SERPINI2: variants seen among roughly 807,000 people sequenced by gnomAD.
SERPINI2 encodes the protein serpin I2.
SERPINI2 carries 48 observed loss-of-function variants against 47.3 expected under a neutral mutation model. The observed-to-expected ratio is 1.02, with a 90% CI of 0.81 to 1.29. SERPINI2 has a LOEUF of 1.29. Ranked by LOEUF, SERPINI2 falls within the 50% of genes most tolerant of loss-of-function variation. The pLI is 0.00. For synonymous variants in SERPINI2, 135 were observed against 149.3 expected (o/e 0.90, Z 0.70); for missense variants, 448 against 456.9 (o/e 0.98, Z 0.18).
chr3:167,448,814 G>A (rs1021371213), intron 7 of SERPINI2, among the ~76,000 whole-genome samples: 6 of 152,150 alleles, frequency 3.9e-5, no homozygotes, highest in East Asian at 3.9e-4. Context: ...GAGCCACCGC[G>A]CCCGGTTGAC....
chr3:167,473,999 T>C lies in SERPINI2; in HGVS notation c.-11+4A>G, dbSNP rs1750418996. 2.6e-6 allele frequency: 3 copies of C among 1,137,592 alleles called. No homozygotes were observed. The highest frequency in any genetic ancestry group is 3.2e-6 in the Non-Finnish European group (3 of 927,808). 70.5% of individuals were successfully genotyped at this position (1,137,592 alleles called of 1,614,324 possible). A position where few individuals can be genotyped will look rare whatever the true frequency, so the allele number is the denominator to read the frequency against. On this transcript the variant is annotated splice_donor_region_variant and intron_variant, in intron 1 of 8. Transcript: ENST00000264677. ...CAAAAGCTATTTATTTCTAAGGTAC[T>C]TACCCCAAACTGACTTCTGATTATT...
At chr3:167,473,325 G>A (rs1750391212) in intron 1 of SERPINI2, among the ~76,000 whole-genome samples, 1 of 151,622 alleles carries the variant, frequency 6.6e-6, no homozygotes, top group African/African-American at 2.4e-5. Context: ...ATAAATGAGA[G>A]TGCAACAATA....
intron 3 of SERPINI2, 84 bp from the exon 4 acceptor site, chr3:167,465,757 G>C: frequency 8.1e-7 from 1 of 1,227,556 alleles, no homozygotes; most frequent in Non-Finnish European, 1.1e-6. Context: ...TAAAGCAAAA[G>C]TGTCTTTTGC....
At chr3:167,470,725 C>A (rs1750291245) in intron 2 of SERPINI2, among the ~76,000 whole-genome samples, 1 of 151,798 alleles carries the variant, frequency 6.6e-6, no homozygotes, top group South Asian at 2.1e-4. Context: ...CCATGCCTTG[C>A]AAATTTTTGT....
At chr3:167,458,173 C>T (rs183173579) in intron 5 of SERPINI2, among the ~76,000 whole-genome samples, 1 of 110,662 alleles carries the variant, frequency 9.0e-6, no homozygotes, top group East Asian at 2.5e-4. Flanking sequence ...TTTTGTGAAC[C>T]TTCTAATGCT....
chr3:167,448,477 T>C (rs1749542556), intron 7 of SERPINI2, among the ~76,000 whole-genome samples: 1 of 152,188 alleles, frequency 6.6e-6, no homozygotes, highest in South Asian at 2.1e-4. Flanking sequence ...GAAATACTGA[T>C]ATAATTATTT....
At chr3:167,470,129 T>C (rs909257592) in intron 2 of SERPINI2, among the ~76,000 whole-genome samples, 1 of 152,168 alleles carries the variant, frequency 6.6e-6, no homozygotes, top group Admixed American at 6.5e-5. Context: ...TTCACAAATA[T>C]TGTATTACTT....
intron 3 of SERPINI2, among the ~76,000 whole-genome samples, chr3:167,466,546 A>G (rs571173917): frequency 5.3e-5 from 8 of 152,170 alleles, no homozygotes; most frequent in Non-Finnish European, 7.4e-5. Context: ...TGAATTTACT[A>G]TATCCCTCTG....
chr3:167,470,311 AT>A (rs2108173125), intron 2 of SERPINI2, among the ~76,000 whole-genome samples: 1 of 152,274 alleles, frequency 6.6e-6, no homozygotes, highest in African/African-American at 2.4e-5. Flanking sequence ...TCTGTATAAA[AT>A]TGTCTTTATT....
At chr3:167,447,800 T>C (rs1749522043) in intron 7 of SERPINI2, among the ~76,000 whole-genome samples, 1 of 152,234 alleles carries the variant, frequency 6.6e-6, no homozygotes, top group African/African-American at 2.4e-5. Flanking sequence ...ACCTTTTGAC[T>C]TCTTCAAAGA....
intron 2 of SERPINI2, chr3:167,469,179 C>T (rs1750236892): frequency 6.6e-6 from 1 of 152,090 alleles, no homozygotes; most frequent in South Asian, 2.1e-4. Flanking sequence ...TTATATATCT[C>T]CTAATAAGTA....
chr3:167,447,921 A>C (rs1042757571), intron 7 of SERPINI2, among the ~76,000 whole-genome samples: 1 of 152,224 alleles, frequency 6.6e-6, no homozygotes, highest in African/African-American at 2.4e-5. Flanking sequence ...CAGATGTCAA[A>C]ATCCATTGGC....
chr3:167,459,156 G>A (rs1217886961), intron 5 of SERPINI2, among the ~76,000 whole-genome samples: 1 of 149,570 alleles, frequency 6.7e-6, no homozygotes, highest in African/African-American at 2.5e-5. Flanking sequence ...CTCACTGCAA[G>A]CTCCGCCTCC....
chr3:167,453,026 C>T (rs1294625728), exon 6 of SERPINI2: 2 of 1,537,314 alleles, frequency 1.3e-6, no homozygotes, highest in Non-Finnish European at 1.8e-6. Flanking sequence ...TTTTGTTCTA[C>T]TTTAAATCTG....
intron 8 of SERPINI2, among the ~76,000 whole-genome samples, chr3:167,445,091 G>C (rs1749434656): frequency 6.6e-6 from 1 of 152,086 alleles, no homozygotes; most frequent in Non-Finnish European, 1.5e-5. Context: ...GCCATTACTA[G>C]AATTGAAGTT....
chr3:167,448,431 A>G (rs975583551), intron 7 of SERPINI2, among the ~76,000 whole-genome samples: 6 of 152,208 alleles, frequency 3.9e-5, no homozygotes, highest in Non-Finnish European at 7.3e-5. Context: ...ACTTAGGAAA[A>G]CCTATGAAAA....
exon 9 of SERPINI2, chr3:167,442,076 AATC>A: frequency 6.6e-7 from 1 of 1,525,096 alleles, no homozygotes. Context: ...ATTTTTGAGA[AATC>A]ATCTTTTATT....
intron 8 of SERPINI2, among the ~76,000 whole-genome samples, chr3:167,444,019 T>G (rs1749399380): frequency 6.6e-6 from 1 of 152,132 alleles, no homozygotes; most frequent in South Asian, 2.1e-4. Flanking sequence ...CTCCTAATAT[T>G]ACAATACAAT....
intron 8 of SERPINI2, among the ~76,000 whole-genome samples, chr3:167,443,477 G>A (rs1048554124): frequency 2.2e-4 from 34 of 151,810 alleles, no homozygotes; most frequent in African/African-American, 6.8e-4. Flanking sequence ...AATAATTCTG[G>A]AAAAAAGAAA....
Sources: gnomAD v4.1 joint callset for allele counts (sites outside exome capture counted in the v4.1 genomes callset) on GRCh38, gnomAD v4.1.1 for gene constraint, MANE v1.5 for transcripts, NCBI Gene and HGNC (gene_info 2026-07-23, HGNC 2026-07-21) for gene names.